MECOM: variants seen among roughly 807,000 people sequenced by gnomAD.
MECOM encodes histone-lysine N-methyltransferase MECOM.
A neutral mutation model predicts 116.3 loss-of-function variants in MECOM; 13 were observed. That is an observed-to-expected ratio of 0.11 (90% confidence interval 0.07 to 0.18). The LOEUF (loss-of-function observed/expected upper bound fraction) is 0.18, where lower values mean the gene tolerates loss of function less well. MECOM is among the 10% of genes least tolerant of loss of function. MECOM has a pLI of 1.00. For synonymous variants in MECOM, 528 were observed against 535.2 expected, an observed-to-expected ratio of 0.99 and a Z score of 0.19; for missense variants, 1,299 against 1,509.0, an observed-to-expected ratio of 0.86 and a Z score of 2.31.
At chr3:169,483,389 C>T (rs922544599) in intron 1 of MECOM, among the ~76,000 whole-genome samples, 1 of 148,268 alleles carries the variant, frequency 6.7e-6, no homozygotes, top group Non-Finnish European at 1.5e-5. Flanking sequence ...TCACTACCTT[C>T]AGCCCACACC....
At chr3:169,501,952 A>T (rs190479655) in intron 1 of MECOM, among the ~76,000 whole-genome samples, 1 of 152,254 alleles carries the variant, frequency 6.6e-6, no homozygotes, top group East Asian at 1.9e-4. Context: ...TACTGGCTGA[A>T]ATCCACAAGA....
At chr3:169,369,056 T>A (rs1482004638) in intron 2 of MECOM, among the ~76,000 whole-genome samples, 2 of 152,040 alleles carry the variant, frequency 1.3e-5, no homozygotes, top group Non-Finnish European at 2.9e-5. Flanking sequence ...GAAATTTTCT[T>A]AAATTTGGAC....
chr3:169,241,701 GT>G (rs1298950386), intron 2 of MECOM, among the ~76,000 whole-genome samples: 1 of 152,194 alleles, frequency 6.6e-6, no homozygotes, highest in Non-Finnish European at 1.5e-5. Context: ...CAAAGCATTT[GT>G]TCTTGAGAAA....
intron 1 of MECOM, among the ~76,000 whole-genome samples, chr3:169,390,561 T>C (rs1427364029): frequency 1.3e-5 from 2 of 152,066 alleles, no homozygotes; most frequent in Non-Finnish European, 2.9e-5. Flanking sequence ...GTGACCGGAT[T>C]TACTTCCTTT....
intron 2 of MECOM, among the ~76,000 whole-genome samples, chr3:169,177,676 G>A (rs1286093303): frequency 5.3e-5 from 8 of 152,136 alleles, no homozygotes; most frequent in African/African-American, 1.9e-4. Context: ...CAGCACTTTG[G>A]GAAGCCAAGG....
chr3:169,209,636 A>T (rs974947010), intron 2 of MECOM, among the ~76,000 whole-genome samples: 3 of 152,234 alleles, frequency 2.0e-5, no homozygotes, highest in African/African-American at 4.8e-5. Flanking sequence ...AAGAAATTCA[A>T]ATCAAAACCA....
At position 169,129,296 on chromosome 3, in the gene MECOM, T is replaced by A. The variant is rs75625711; in HGVS notation, c.614-1236A>T. Among the ~76,000 whole-genome samples, 16 of 150,850 alleles carry A rather than the reference T, an allele frequency of 1.1e-4. No homozygotes were observed. In the East Asian group the frequency reaches 1.8e-3, roughly 17 times the overall value. On this transcript the variant is annotated intron_variant, in intron 4 of 16. Transcript: ENST00000651503. ...TCACAGAGCACATGTAAGGGAGGAG[T>A]GGAAAATGAAGCTGGAGGGGGTGCA...
intron 2 of MECOM, among the ~76,000 whole-genome samples, chr3:169,268,071 T>C (rs973335799): frequency 6.6e-6 from 1 of 152,162 alleles, no homozygotes; most frequent in Non-Finnish European, 1.5e-5. Context: ...ATAAACTCTA[T>C]ACAAATTTTC....
chr3:169,483,772 G>A, intron 1 of MECOM: 1 of 1,610,674 alleles, frequency 6.2e-7, no homozygotes, highest in Non-Finnish European at 8.5e-7. Flanking sequence ...CAGTCACGTA[G>A]ATTATTCTTC....
intron 14 of MECOM, among the ~76,000 whole-genome samples, chr3:169,092,510 T>C (rs934041269): frequency 5.9e-5 from 9 of 152,050 alleles, no homozygotes; most frequent in African/African-American, 2.2e-4. Flanking sequence ...TAATTTATGA[T>C]GTATAATAGT....
At chr3:169,513,544 G>A (rs988867971) in intron 1 of MECOM, among the ~76,000 whole-genome samples, 1 of 152,204 alleles carries the variant, frequency 6.6e-6, no homozygotes, top group African/African-American at 2.4e-5. Flanking sequence ...CCAGCCAGTG[G>A]CTGGAATGCT....
chr3:169,451,106 TCAA>T (rs1208416323), intron 1 of MECOM, among the ~76,000 whole-genome samples: 1 of 152,154 alleles, frequency 6.6e-6, no homozygotes, highest in East Asian at 1.9e-4. Context: ...TACACATAAT[TCAA>T]CAACAGCCCT....
At chr3:169,547,021 T>C (rs1373343713) in intron 1 of MECOM, among the ~76,000 whole-genome samples, 1 of 152,226 alleles carries the variant, frequency 6.6e-6, no homozygotes, top group Admixed American at 6.5e-5. Context: ...GACTCTGTAT[T>C]CTCAAAGATG....
intron 2 of MECOM, among the ~76,000 whole-genome samples, chr3:169,326,212 C>T (rs537863684): frequency 1.1e-3 from 170 of 151,916 alleles, no homozygotes; most frequent in African/African-American, 4.1e-3. Context: ...GAGAGGAGAG[C>T]CTTCTAGGCA....
At chr3:169,636,724 T>C (rs575877877) in intron 1 of MECOM, among the ~76,000 whole-genome samples, 2 of 152,320 alleles carry the variant, frequency 1.3e-5, no homozygotes, top group South Asian at 2.1e-4. Flanking sequence ...AGTTTCCTGA[T>C]ATTTTAGAGA....
chr3:169,553,557 T>C (rs796607757), intron 1 of MECOM, among the ~76,000 whole-genome samples: 6 of 152,344 alleles, frequency 3.9e-5, no homozygotes, highest in African/African-American at 1.4e-4. Context: ...AGTTTCTACC[T>C]TTTCCTGGGC....
At chr3:169,517,723 A>C (rs1292267693) in intron 1 of MECOM, among the ~76,000 whole-genome samples, 1 of 152,228 alleles carries the variant, frequency 6.6e-6, no homozygotes, top group African/African-American at 2.4e-5. Context: ...AGACACTCCC[A>C]AAACAAGAAG....
At chr3:169,130,413 C>T (rs1734276100) in intron 4 of MECOM, among the ~76,000 whole-genome samples, 1 of 152,100 alleles carries the variant, frequency 6.6e-6, no homozygotes, top group East Asian at 1.9e-4. Flanking sequence ...AAGCTATTTG[C>T]ATGTCAGAGT....
chr3:169,405,247 TTCTC>T lies in MECOM; in HGVS notation c.38-23727_38-23724del, dbSNP rs921859071. Among the ~76,000 whole-genome samples the T allele has an allele frequency of 1.4e-3, 208 of 151,090 alleles. 1 individual carries two copies. The highest frequency in any genetic ancestry group is 4.7e-3 in the African/African-American group (195 of 41,164). On this transcript the variant is annotated intron_variant, in intron 1 of 16. Coordinates refer to ENST00000651503, the MANE Select transcript of MECOM (RefSeq NM_004991.4). The stretch of plus-strand genomic sequence containing the variant: ...GCCTGCTCTCTCTTTCCCTCCCTCC[TTCTC>T]TCTCTCTCTCTCATTAGATCTTTCT...
Sources: allele counts gnomAD v4.1 joint callset (sites outside exome capture counted in the v4.1 genomes callset), GRCh38; gene constraint gnomAD v4.1.1; transcripts MANE v1.5; gene names NCBI Gene and HGNC (gene_info 2026-07-23, HGNC 2026-07-21).